Variants in PKP4 observed in about 807,000 individuals in gnomAD.
PKP4 encodes plakophilin-4.
PKP4 carries 90 observed loss-of-function variants against 145.1 expected under a neutral mutation model. That is an observed-to-expected ratio of 0.62 (90% CI 0.52 to 0.74). The LOEUF is 0.74. PKP4 is among the 30% of genes least tolerant of loss of function. The pLI, the probability that PKP4 is intolerant of heterozygous loss-of-function variation, is 0.00. For missense variants in PKP4, 1,340 were observed against 1,482.7 expected, an observed-to-expected ratio of 0.90 and a Z score of 1.58; for synonymous variants, 563 against 577.2, an observed-to-expected ratio of 0.98 and a Z score of 0.35.
intron 2 of PKP4, among the ~76,000 whole-genome samples, chr2:158,560,845 T>C (rs2046453296): frequency 6.6e-6 from 1 of 152,172 alleles, no homozygotes; most frequent in Non-Finnish European, 1.5e-5. Flanking sequence ...TTGTCTAATA[T>C]TATATAGCTA....
intron 19 of PKP4, among the ~76,000 whole-genome samples, chr2:158,675,991 C>G (rs1336514727): frequency 6.6e-6 from 1 of 152,068 alleles, no homozygotes; most frequent in South Asian, 2.1e-4. Context: ...AAATATTTCT[C>G]TCTTCTTTCT....
intron 2 of PKP4, among the ~76,000 whole-genome samples, chr2:158,570,971 C>G (rs1055228712): frequency 6.6e-6 from 1 of 152,060 alleles, no homozygotes; most frequent in African/African-American, 2.4e-5. Flanking sequence ...AGAAGCAAGG[C>G]TCTGGATGAG....
intron 1 of PKP4, among the ~76,000 whole-genome samples, chr2:158,500,749 T>A (rs1265652417): frequency 6.6e-6 from 1 of 152,184 alleles, no homozygotes; most frequent in Non-Finnish European, 1.5e-5. Context: ...GGAAGTAAAT[T>A]CAGAGATGCA....
At chr2:158,607,004 C>T (rs997354844) in intron 4 of PKP4, among the ~76,000 whole-genome samples, 2 of 152,140 alleles carry the variant, frequency 1.3e-5, no homozygotes, top group Non-Finnish European at 2.9e-5. Context: ...TTTTAAATAA[C>T]AGTGTGGTAA....
At chr2:158,532,034 G>A (rs140827652) in intron 1 of PKP4, among the ~76,000 whole-genome samples, 1 of 152,304 alleles carries the variant, frequency 6.6e-6, no homozygotes, top group East Asian at 1.9e-4. Context: ...CTCAGAGGGT[G>A]TGTACATCTC....
At chr2:158,529,080 A>C (rs560766795) in intron 1 of PKP4, among the ~76,000 whole-genome samples, 2 of 152,342 alleles carry the variant, frequency 1.3e-5, no homozygotes, top group South Asian at 4.1e-4. Context: ...GACTCTGATT[A>C]AAGATCTCTC....
intron 1 of PKP4, among the ~76,000 whole-genome samples, chr2:158,467,477 G>T (rs1279969403): frequency 6.6e-6 from 1 of 151,224 alleles, no homozygotes; most frequent in East Asian, 1.9e-4. Flanking sequence ...ACTTGAGCCT[G>T]GGAGGGCAAG....
At chr2:158,641,934 CATTAA>C (rs538312133) in intron 10 of PKP4, among the ~76,000 whole-genome samples, 35 of 152,090 alleles carry the variant, frequency 2.3e-4, no homozygotes, top group Admixed American at 2.3e-3. Context: ...TGCCGATGGA[CATTAA>C]ACCACTTAAA....
intron 11 of PKP4, among the ~76,000 whole-genome samples, chr2:158,647,355 C>G (rs1464162385): frequency 6.6e-6 from 1 of 152,090 alleles, no homozygotes; most frequent in African/African-American, 2.4e-5. Context: ...ACTACTATGC[C>G]CTTGAAACTA....
In PKP4 at chr2:158,634,223, A is replaced by G; in HGVS notation, c.1496A>G (p.His499Arg). The stretch of plus-strand genomic sequence containing the variant: ...GAGTGCAATTATAACAGGCTTCAGC[A>G]TGCAGTGCCGGCTGATGATGGCACC... The part of the protein sequence containing the change: ...VQECNYNRLQ[H>R]AVPADDGTTR... Residue 499 changes from histidine (H) to arginine (R), a missense_variant, in exon 9 of 22, where the codon CAT becomes CGT. By Grantham distance (29) the His-to-Arg change is conservative. Transcript: ENST00000389759. 6.2e-7 allele frequency: 1 copy of G among 1,614,160 alleles called. No homozygotes were observed. The highest frequency in any genetic ancestry group is 8.5e-7 in the Non-Finnish European group (1 of 1,180,014).
intron 13 of PKP4, 141 bp downstream of exon 13, chr2:158,661,591 C>T: frequency 1.6e-6 from 1 of 617,188 alleles, no homozygotes. Flanking sequence ...AAGGGCAAGT[C>T]TCCAAAGTTA....
At chr2:158,554,412 A>AAAT (rs780856676) in intron 2 of PKP4, among the ~76,000 whole-genome samples, 153 of 82,226 alleles carry the variant, frequency 1.9e-3, no homozygotes, top group Admixed American at 2.4e-3. Flanking sequence ...ATTCACTCAG[A>AAAT]AATAATTATT....
In PKP4 at chr2:158,669,870, G is replaced by A. The variant is rs761549216; in HGVS notation, c.2879G>A (p.Gly960Glu). The A allele has an allele frequency of 1.2e-5, 20 of 1,613,760 alleles. No homozygotes were observed. The South Asian group carries it at 2.1e-4, about 17-fold the overall frequency. The change falls in exon 17 of 22, where the codon GGA becomes GAA. Residue 960 changes from glycine (G) to glutamate (E), a missense_variant. Transcript: ENST00000389759. ...MENAKALADS[G>E]GIEKLVNITK... is the part of the protein sequence containing the mutation. ...AACGCAAAAGCCCTGGCCGACTCAG[G>A]AGGCATAGAGAAGCTGGTGAACATA...
intron 1 of PKP4, among the ~76,000 whole-genome samples, chr2:158,490,044 G>A (rs1392600388): frequency 6.6e-6 from 1 of 152,084 alleles, no homozygotes; most frequent in Non-Finnish European, 1.5e-5. Flanking sequence ...TTCTCAGATT[G>A]TCTTTTTAAA....
chr2:158,498,715 T>C (rs145154258), intron 1 of PKP4, among the ~76,000 whole-genome samples: 1 of 152,296 alleles, frequency 6.6e-6, no homozygotes, highest in East Asian at 1.9e-4. Context: ...TGGCCTGTTC[T>C]AGAACCTTGA....
chr2:158,554,771 TTCTC>T (rs920536360), intron 2 of PKP4, among the ~76,000 whole-genome samples: 10 of 152,116 alleles, frequency 6.6e-5, no homozygotes, highest in Non-Finnish European at 1.2e-4. Context: ...TCTTGCCACT[TTCTC>T]TATACCTCAA....
intron 20 of PKP4, chr2:158,677,206 A>G (rs1054992566): frequency 3.9e-5 from 14 of 358,968 alleles, no homozygotes; most frequent in Non-Finnish European, 6.5e-5. Context: ...TGTTTTCCAC[A>G]TGCATCAGAA....
intron 7 of PKP4, among the ~76,000 whole-genome samples, chr2:158,631,171 A>G (rs2053319717): frequency 6.6e-6 from 1 of 151,880 alleles, no homozygotes; most frequent in Non-Finnish European, 1.5e-5. Flanking sequence ...CGATCTCCTG[A>G]CCTCGTGATC....
chr2:158,592,729 T>A (rs957997678), intron 3 of PKP4, among the ~76,000 whole-genome samples: 1 of 152,150 alleles, frequency 6.6e-6, no homozygotes, highest in Non-Finnish European at 1.5e-5. Flanking sequence ...GTGTAAATGA[T>A]TGGGGGAATA....
Sources: gnomAD v4.1 joint callset for allele counts (sites outside exome capture counted in the v4.1 genomes callset) on GRCh38, gnomAD v4.1.1 for gene constraint, MANE v1.5 for transcripts, NCBI Gene and HGNC (gene_info 2026-07-23, HGNC 2026-07-21) for gene names.